The following RBFOX1 variants were observed in gnomAD, a reference collection of about 807,000 sequenced individuals.
RBFOX1 encodes RNA binding protein fox-1 homolog 1.
Under a neutral mutation model 57.7 loss-of-function variants are expected in RBFOX1, and 8 were observed. The observed-to-expected ratio is 0.14, with a 90% CI of 0.08 to 0.25. The LOEUF is 0.25. RBFOX1 is among the 10% of genes least tolerant of loss of function. RBFOX1 has a pLI of 1.00. For missense variants in RBFOX1, 611 were observed against 548.5 expected (o/e 1.11, Z -1.14); for synonymous variants, 326 against 222.4 (o/e 1.47, Z -4.15).
At chr16:6,774,050 A>T (rs959780030) in intron 3 of RBFOX1, 2 of 954,640 alleles carry the variant, frequency 2.1e-6, no homozygotes, top group Non-Finnish European at 2.5e-6. Flanking sequence ...GTAAATGCTC[A>T]TTGGCTTTCT....
intron 4 of RBFOX1, among the ~76,000 whole-genome samples, chr16:7,061,356 A>G (rs1449024469): frequency 6.6e-6 from 1 of 152,216 alleles, no homozygotes; most frequent in East Asian, 1.9e-4. Flanking sequence ...TGATGAACGC[A>G]AGGAAATCAA....
intron 4 of RBFOX1, among the ~76,000 whole-genome samples, chr16:7,152,518 G>A (rs965053353): frequency 6.6e-6 from 1 of 151,994 alleles, no homozygotes; most frequent in African/African-American, 2.4e-5. Flanking sequence ...TTATGGTCTG[G>A]TGCTACCAAA....
intron 3 of RBFOX1, among the ~76,000 whole-genome samples, chr16:6,809,718 A>G (rs1474022609): frequency 1.3e-5 from 2 of 152,174 alleles, no homozygotes; most frequent in African/African-American, 4.8e-5. Flanking sequence ...TTGTCTCTGA[A>G]TTGGTCTTTC....
chr16:5,473,092 C>G (rs981041625), intron 2 of RBFOX1, among the ~76,000 whole-genome samples: 2 of 152,244 alleles, frequency 1.3e-5, no homozygotes, highest in African/African-American at 4.8e-5. Flanking sequence ...GATGACTGCC[C>G]TGGCTCAAAC....
intron 2 of RBFOX1, among the ~76,000 whole-genome samples, chr16:6,457,443 C>CG (rs1567320078): frequency 9.3e-5 from 7 of 75,100 alleles, no homozygotes; most frequent in Admixed American, 4.3e-4. Flanking sequence ...GGAAGTCCCC[C>CG]CCCCCGCAAT....
At chr16:6,654,522 A>T in intron 2 of RBFOX1, 81 bp from the exon 3 acceptor site, 1 of 1,141,168 alleles carries the variant, frequency 8.8e-7, no homozygotes, top group Non-Finnish European at 1.2e-6. Context: ...GGGCATTTCA[A>T]CAACACCACT....
At chr16:5,978,128 CAAAAAAAAAAAAAAAAA>C (rs140908065) in intron 4 of RBFOX1, among the ~76,000 whole-genome samples, 2,716 of 31,708 alleles carry the variant, frequency 0.086, 102 homozygotes, top group Middle Eastern at 0.2. Flanking sequence ...CTGTCTCTTC[CAAAAAAAAAAAAAAAAA>C]AAAAAAAAAA....
chr16:7,258,067 A>T (rs1267529505), intron 4 of RBFOX1, among the ~76,000 whole-genome samples: 1 of 152,232 alleles, frequency 6.6e-6, no homozygotes. Flanking sequence ...GTGCTGAAAT[A>T]TAAAATTCAG....
At chr16:6,873,515 A>T (rs1260388334) in intron 3 of RBFOX1, among the ~76,000 whole-genome samples, 2 of 152,178 alleles carry the variant, frequency 1.3e-5, no homozygotes, top group Non-Finnish European at 2.9e-5. Flanking sequence ...ACAGTGGATT[A>T]TGGCTGTGTT....
At chr16:7,332,064 G>A (rs550412011) in intron 4 of RBFOX1, among the ~76,000 whole-genome samples, 8 of 152,148 alleles carry the variant, frequency 5.3e-5, no homozygotes, top group African/African-American at 7.2e-5. Flanking sequence ...AAAGAATGTC[G>A]TTAAAAACAC....
intron 7 of RBFOX1, among the ~76,000 whole-genome samples, chr16:7,588,031 T>G (rs565263023): frequency 1.3e-5 from 2 of 152,182 alleles, no homozygotes; most frequent in South Asian, 2.1e-4. Context: ...ATACAAAAAT[T>G]AGCTGGGTGT....
chr16:6,464,994 T>A (rs948731854), intron 2 of RBFOX1, among the ~76,000 whole-genome samples: 15 of 152,342 alleles, frequency 9.8e-5, no homozygotes, highest in African/African-American at 3.6e-4. Flanking sequence ...TATCTTCTTT[T>A]GTAACATGGT....
intron 1 of RBFOX1, among the ~76,000 whole-genome samples, chr16:5,352,993 A>AT (rs2065297886): frequency 6.6e-6 from 1 of 152,090 alleles, no homozygotes; most frequent in South Asian, 2.1e-4. Flanking sequence ...AAATTCCCCA[A>AT]TTTTTCTGAT....
chr16:6,300,652 C>T (rs772314894), intron 1 of RBFOX1, among the ~76,000 whole-genome samples: 2 of 152,272 alleles, frequency 1.3e-5, no homozygotes, highest in East Asian at 1.9e-4. Context: ...ATTCTGGCTC[C>T]GGAAAACTAT....
intron 3 of RBFOX1, among the ~76,000 whole-genome samples, chr16:6,810,119 T>G (rs1244040326): frequency 6.6e-6 from 1 of 151,962 alleles, no homozygotes; most frequent in African/African-American, 2.4e-5. Context: ...TTGTCAACAT[T>G]TACCAACAAA....
intron 4 of RBFOX1, among the ~76,000 whole-genome samples, chr16:5,876,318 C>T (rs2057609823): frequency 6.6e-6 from 1 of 152,146 alleles, no homozygotes; most frequent in African/African-American, 2.4e-5. Flanking sequence ...CTATGAAGTA[C>T]ATCCTATCAT....
intron 3 of RBFOX1, among the ~76,000 whole-genome samples, chr16:5,687,982 C>T (rs9933614): frequency 1.4e-3 from 216 of 152,260 alleles, no homozygotes; most frequent in African/African-American, 4.7e-3. Flanking sequence ...TTTTTCTTCT[C>T]GTTCTCTGCA....
chr16:5,329,756 T>G (rs1263307489), intron 1 of RBFOX1, among the ~76,000 whole-genome samples: 1 of 152,120 alleles, frequency 6.6e-6, no homozygotes, highest in African/African-American at 2.4e-5. Context: ...TCCCAGCACT[T>G]TGGGAGGCTG....
chr16:5,525,588 C>T (rs924139055), intron 2 of RBFOX1, among the ~76,000 whole-genome samples: 4 of 149,600 alleles, frequency 2.7e-5, no homozygotes, highest in Admixed American at 6.8e-5. Context: ...TTCTCCACCT[C>T]TCAGGTGAAA....
Sources: allele counts gnomAD v4.1 joint callset (sites outside exome capture counted in the v4.1 genomes callset), GRCh38; gene constraint gnomAD v4.1.1; transcripts MANE v1.5; gene names NCBI Gene and HGNC (gene_info 2026-07-23, HGNC 2026-07-21).